The following VWF variants were observed in gnomAD, a reference collection of about 807,000 sequenced individuals.
VWF encodes Factor VIII related antigen.
In VWF, 176 loss-of-function variants were observed where a neutral mutation model predicts 308.6. That is an observed-to-expected ratio of 0.57 (90% confidence interval 0.50 to 0.65). The LOEUF (loss-of-function observed/expected upper bound fraction) is 0.65, where lower values mean the gene tolerates loss of function less well. VWF is among the 30% of genes least tolerant of loss of function. The probability of loss-of-function intolerance (pLI) is 0.00; values close to 1 mark genes in which losing one functional copy is unlikely to be tolerated. For synonymous variants in VWF, 1,385 were observed against 1,443.4 expected (o/e 0.96, Z 0.92); for missense variants, 3,146 against 3,648.2 (o/e 0.86, Z 3.55).
Position 6,016,706 on chromosome 12 carries a change from A to G in VWF, c.5170+48T>C, listed in dbSNP as rs768481631. 5.8e-5 allele frequency: 94 copies of G among 1,614,262 alleles called. No homozygotes were observed. The South Asian group carries it at 1.0e-3, about 17-fold the overall frequency. On this transcript the variant is annotated intron_variant, in intron 29 of 51. Transcript: ENST00000261405. ...TTATTTTGAATCAAGTAGAGCCACA[A>G]AAAGAGCCTCTTCGTCACCTGCTGC...
chr12:6,043,544 T>C (rs1030787330), intron 18 of VWF, among the ~76,000 whole-genome samples: 2 of 129,648 alleles, frequency 1.5e-5, no homozygotes, highest in African/African-American at 3.4e-5. Context: ...GGAAGTTGCA[T>C]CCTTCAGGAT....
rs1944686822 is a variant in VWF, at chr12:6,064,248, T to G, written c.1430A>C (p.Lys477Thr). The change falls in exon 12 of 52, where the codon AAA becomes ACA. Residue 477 changes from lysine to threonine, a missense_variant and splice_region_variant. Transcript: ENST00000261405. ...TGATGGAGCAGGACGAAGCATACCT[T>G]TCAGGAGGGGGAGCTGGACGTCCTG... ...DGQDVQLPLLKGDLRIQHTVT... is the reference protein window; with the variant it reads ...DGQDVQLPLLTGDLRIQHTVT... The G allele has an allele frequency of 3.7e-6, 6 of 1,613,978 alleles. No individual in the cohort carries two copies. The highest frequency in any genetic ancestry group is 3.4e-6 in the Non-Finnish European group (4 of 1,180,002).
chr12:6,026,813 T>C (rs1181294508), intron 22 of VWF, among the ~76,000 whole-genome samples: 2 of 152,174 alleles, frequency 1.3e-5, no homozygotes, highest in Non-Finnish European at 2.9e-5. Flanking sequence ...GGAACAGATA[T>C]AGTAACTACC....
At chr12:6,043,773 T>C (rs1218402973) in intron 18 of VWF, among the ~76,000 whole-genome samples, 3 of 152,170 alleles carry the variant, frequency 2.0e-5, no homozygotes, top group African/African-American at 7.2e-5. Flanking sequence ...ACCTCACGAC[T>C]CACATTACAG....
At chr12:6,053,589 AG>A (rs1179514042) in intron 15 of VWF, among the ~76,000 whole-genome samples, 1 of 152,160 alleles carries the variant, frequency 6.6e-6, no homozygotes, top group Non-Finnish European at 1.5e-5. Context: ...ACAAGCCAGA[AG>A]GAAGTGTAGC....
intron 3 of VWF, among the ~76,000 whole-genome samples, chr12:6,120,374 T>C (rs1591929902): frequency 6.6e-6 from 1 of 150,486 alleles, no homozygotes; most frequent in South Asian, 2.1e-4. Flanking sequence ...CAGGCTGGAG[T>C]GTATCTCAGC....
chr12:6,069,573 A>T (rs947614883), intron 10 of VWF, among the ~76,000 whole-genome samples: 1 of 152,156 alleles, frequency 6.6e-6, no homozygotes, highest in African/African-American at 2.4e-5. Context: ...CTGCTGAGTC[A>T]TGGCAGGGTG....
intron 17 of VWF, 152 bp from the exon 18 acceptor site, chr12:6,044,603 C>T (rs1944429150): frequency 1.0e-6 from 1 of 968,114 alleles, no homozygotes; most frequent in Middle Eastern, 3.1e-4. Context: ...AGCCAGGGTC[C>T]CTGTGTGGGA....
intron 45 of VWF, 133 bp from the exon 46 acceptor site, chr12:5,968,300 AC>A: frequency 9.4e-7 from 1 of 1,068,144 alleles, no homozygotes; most frequent in Non-Finnish European, 1.4e-6. Context: ...CTTTCCCCCC[AC>A]CCCACAACCC....
At chr12:5,972,721 T>G (rs1481625662) in intron 43 of VWF, among the ~76,000 whole-genome samples, 1 of 152,200 alleles carries the variant, frequency 6.6e-6, no homozygotes, top group Non-Finnish European at 1.5e-5. Context: ...CAGGCTTTTA[T>G]CAGCCAAGAT....
At chr12:5,960,710 T>C (rs1020428327) in intron 47 of VWF, among the ~76,000 whole-genome samples, 6 of 152,222 alleles carry the variant, frequency 3.9e-5, no homozygotes, top group East Asian at 1.9e-4. Flanking sequence ...CAATTCCTCA[T>C]GTTAACAGAA....
rs80128123 is a variant in VWF, at chr12:6,045,432, A to T, written c.2282-981T>A. 4.9e-3 allele frequency among the ~76,000 whole-genome samples: 750 copies of T among 152,336 alleles called. 6 individuals are homozygous for T. The highest frequency in any genetic ancestry group is 0.015 in the African/African-American group (643 of 41,578). ...AAATATTACATTTTCCAGTGACCAGACTAGAAGATTCTGAGCAGAAGCACG... is the reference window on the plus strand; with the variant it reads ...AAATATTACATTTTCCAGTGACCAGTCTAGAAGATTCTGAGCAGAAGCACG... On this transcript the variant is annotated intron_variant, in intron 17 of 51. Transcript: ENST00000261405.
intron 34 of VWF, among the ~76,000 whole-genome samples, chr12:6,004,722 A>G (rs1943908428): frequency 6.6e-6 from 1 of 151,330 alleles, no homozygotes; most frequent in African/African-American, 2.4e-5. Flanking sequence ...TAGGTTATAT[A>G]TAGATATATA....
At chr12:5,996,363 A>C in intron 34 of VWF, 141 bp from the exon 35 acceptor site, 1 of 768,166 alleles carries the variant, frequency 1.3e-6, no homozygotes, top group Admixed American at 2.2e-5. Flanking sequence ...CATATAGAAC[A>C]ATTTCCTCCT....
chr12:6,010,118 C>T (rs191721139), intron 34 of VWF, among the ~76,000 whole-genome samples: 1 of 152,184 alleles, frequency 6.6e-6, no homozygotes, highest in East Asian at 1.9e-4. Context: ...TAGGGTAGAT[C>T]TCATGTGTTT....
At chr12:5,980,107 G>A (rs1223331528) in intron 42 of VWF, among the ~76,000 whole-genome samples, 487 of 29,150 alleles carry the variant, frequency 0.017, 4 homozygotes, top group South Asian at 0.046. Flanking sequence ...AGGAAGGAAG[G>A]AAGGAAGGAA....
chr12:6,062,626 G>A (rs1042777928), intron 13 of VWF, among the ~76,000 whole-genome samples: 4 of 152,162 alleles, frequency 2.6e-5, no homozygotes, highest in African/African-American at 4.8e-5. Context: ...TGGGCACCCA[G>A]GGAGACACCC....
chr12:6,049,104 C>A (rs917686163), intron 16 of VWF, among the ~76,000 whole-genome samples: 1 of 152,180 alleles, frequency 6.6e-6, no homozygotes, highest in Non-Finnish European at 1.5e-5. Context: ...AACCTCCAGG[C>A]CACAGCATTT....
chr12:6,066,970 C>T (rs540630474), intron 10 of VWF, among the ~76,000 whole-genome samples: 32 of 152,322 alleles, frequency 2.1e-4, no homozygotes, highest in African/African-American at 7.5e-4. Context: ...CAGTGGATCC[C>T]TTCCAGGACA....
Sources: allele counts gnomAD v4.1 joint callset (sites outside exome capture counted in the v4.1 genomes callset), GRCh38; gene constraint gnomAD v4.1.1; transcripts MANE v1.5; gene names NCBI Gene and HGNC (gene_info 2026-07-23, HGNC 2026-07-21).